Variants in THRB observed in about 807,000 individuals in gnomAD.
THRB encodes the protein thyroid hormone receptor beta.
In THRB, 12 loss-of-function variants were observed where a neutral mutation model predicts 47.8. The ratio of observed to expected loss-of-function variants is 0.25; its 90% CI spans 0.16 to 0.41. THRB has a LOEUF of 0.41. THRB is among the 10% of genes least tolerant of loss of function. The pLI is 1.00. For missense variants in THRB, 348 were observed against 589.2 expected (o/e 0.59, Z 4.24); for synonymous variants, 218 against 212.2 (o/e 1.03, Z -0.24).
At chr3:24,461,575 T>C (rs1465759866) in intron 1 of THRB, among the ~76,000 whole-genome samples, 3 of 152,210 alleles carry the variant, frequency 2.0e-5, no homozygotes, top group Admixed American at 2.0e-4. Flanking sequence ...TAATGATTAA[T>C]CCATCGTTGA....
chr3:24,177,455 C>T (rs2041311327), intron 5 of THRB, among the ~76,000 whole-genome samples: 1 of 152,168 alleles, frequency 6.6e-6, no homozygotes, highest in South Asian at 2.1e-4. Flanking sequence ...ACACAGAACA[C>T]ACTCAATTTA....
chr3:24,144,182 CA>C (rs1328392723), intron 7 of THRB: 1 of 185,222 alleles, frequency 5.4e-6, no homozygotes, highest in Non-Finnish European at 1.2e-5. Flanking sequence ...CGTTATGGAG[CA>C]GTAAGTGGGA....
intron 1 of THRB, among the ~76,000 whole-genome samples, chr3:24,363,135 T>C (rs2064193758): frequency 6.6e-6 from 1 of 152,136 alleles, no homozygotes; most frequent in African/African-American, 2.4e-5. Flanking sequence ...ATTATGATCA[T>C]GGGAAATAAA....
intron 5 of THRB, among the ~76,000 whole-genome samples, chr3:24,160,762 G>A (rs1195801789): frequency 2.0e-5 from 3 of 152,194 alleles, no homozygotes; most frequent in African/African-American, 4.8e-5. Context: ...ATGCACTTGA[G>A]TGCTGAGAAA....
At chr3:24,283,611 G>A (rs1305329808) in intron 3 of THRB, among the ~76,000 whole-genome samples, 2 of 147,074 alleles carry the variant, frequency 1.4e-5, no homozygotes, top group Non-Finnish European at 3.0e-5. Flanking sequence ...AGGAAATAAA[G>A]GGTATTCAAT....
chr3:24,261,514 A>T (rs1339937811), intron 3 of THRB, among the ~76,000 whole-genome samples: 2 of 150,546 alleles, frequency 1.3e-5, no homozygotes, highest in Non-Finnish European at 2.9e-5. Context: ...AAAAAAAAAA[A>T]AAAACCAAAA....
chr3:24,163,058 T>C (rs377186863), intron 5 of THRB, among the ~76,000 whole-genome samples: 28 of 152,238 alleles, frequency 1.8e-4, no homozygotes, highest in African/African-American at 5.8e-4. Context: ...AACACCTGTT[T>C]ATGGTCTTAA....
chr3:24,434,196 T>C (rs1440392176), intron 1 of THRB, among the ~76,000 whole-genome samples: 1 of 152,172 alleles, frequency 6.6e-6, no homozygotes, highest in African/African-American at 2.4e-5. Context: ...AAATTTATGT[T>C]TAAAAAATAT....
intron 1 of THRB, among the ~76,000 whole-genome samples, chr3:24,477,639 G>T (rs1337592186): frequency 2.5e-4 from 38 of 152,152 alleles, no homozygotes; most frequent in Admixed American, 2.5e-3. Context: ...AGAAATAACT[G>T]CATGGGACAT....
chr3:24,366,617 C>T (rs1464124858), intron 1 of THRB, among the ~76,000 whole-genome samples: 1 of 142,322 alleles, frequency 7.0e-6, no homozygotes, highest in Admixed American at 7.5e-5. Flanking sequence ...AGCACAGCCT[C>T]TCACTTTTTT....
At chr3:24,249,287 G>A (rs190286132) in intron 3 of THRB, among the ~76,000 whole-genome samples, 1 of 152,172 alleles carries the variant, frequency 6.6e-6, no homozygotes, top group African/African-American at 2.4e-5. Flanking sequence ...GTATAAAGGA[G>A]AAACAATTAA....
chr3:24,162,588 A>G (rs1396925455), intron 5 of THRB, among the ~76,000 whole-genome samples: 3 of 150,324 alleles, frequency 2.0e-5, no homozygotes, highest in Admixed American at 6.7e-5. Flanking sequence ...TTGAAGCTTT[A>G]TTTTAAATGT....
chr3:24,334,563 C>T (rs1044476724), intron 2 of THRB, among the ~76,000 whole-genome samples: 3 of 152,230 alleles, frequency 2.0e-5, no homozygotes, highest in Non-Finnish European at 4.4e-5. Flanking sequence ...ACTATGGCAT[C>T]TCATTTCCCC....
chr3:24,298,983 C>T (rs1450143707), intron 2 of THRB, among the ~76,000 whole-genome samples: 2 of 151,870 alleles, frequency 1.3e-5, no homozygotes. Context: ...CGCGGTGGCT[C>T]ATGCCTGTAA....
chr3:24,177,243 A>G (rs914081008), intron 5 of THRB, among the ~76,000 whole-genome samples: 1 of 152,194 alleles, frequency 6.6e-6, no homozygotes, highest in African/African-American at 2.4e-5. Flanking sequence ...GAAACAACGT[A>G]GGTTACATTC....
intron 1 of THRB, among the ~76,000 whole-genome samples, chr3:24,444,855 A>G (rs1425135609): frequency 2.0e-5 from 3 of 152,164 alleles, no homozygotes; most frequent in Admixed American, 2.0e-4. Flanking sequence ...AAGTGCTGGG[A>G]TTACAGGCAT....
chr3:24,293,581 TA>T (rs1366997052), intron 3 of THRB, among the ~76,000 whole-genome samples: 2 of 152,268 alleles, frequency 1.3e-5, no homozygotes, highest in African/African-American at 4.8e-5. Context: ...TGAACATTTT[TA>T]TTCTGTTACA....
intron 1 of THRB, among the ~76,000 whole-genome samples, chr3:24,411,625 CTTT>C (rs1236582371): frequency 6.6e-6 from 1 of 151,724 alleles, no homozygotes; most frequent in Non-Finnish European, 1.5e-5. Flanking sequence ...TGCCTGACTA[CTTT>C]TATCTGAATC....
chr3:24,175,528 G>A (rs776311893), intron 5 of THRB, among the ~76,000 whole-genome samples: 3 of 152,180 alleles, frequency 2.0e-5, no homozygotes, highest in African/African-American at 2.4e-5. Context: ...AATAGTATTC[G>A]TAAGGCTGGA....
Sources: gnomAD v4.1 joint callset for allele counts (sites outside exome capture counted in the v4.1 genomes callset) on GRCh38, gnomAD v4.1.1 for gene constraint, MANE v1.5 for transcripts, NCBI Gene and HGNC (gene_info 2026-07-23, HGNC 2026-07-21) for gene names.